ST6GALNAC2: variants seen among roughly 807,000 people sequenced by gnomAD.
ST6GALNAC2 encodes alpha-N-acetylgalactosaminide alpha-2,6-sialyltransferase 2.
In ST6GALNAC2, 42 loss-of-function variants were observed where a neutral mutation model predicts 38.7. The observed-to-expected ratio is 1.09, with a 90% CI of 0.85 to 1.40. ST6GALNAC2 has a LOEUF of 1.40. Among genes scored for constraint, ST6GALNAC2 ranks in the 40% most tolerant of loss-of-function variants. ST6GALNAC2 has a pLI of 0.00. For missense variants in ST6GALNAC2, 506 were observed against 481.7 expected (o/e 1.05, Z -0.47); for synonymous variants, 233 against 209.0 (o/e 1.11, Z -0.99).
chr17:76,574,890 G>A (rs1401252893), intron 2 of ST6GALNAC2, among the ~76,000 whole-genome samples: 3 of 151,906 alleles, frequency 2.0e-5, no homozygotes, highest in Non-Finnish European at 2.9e-5. Context: ...GTTAGCCAGG[G>A]TGGTCTTGAT....
rs1169151583 is a variant in ST6GALNAC2 at position 76,572,725 on chromosome 17, G to A, written c.581C>T (p.Thr194Ile). ...GTTCACAGTGAAACCATAGAAGGAA[G>A]TCTTGGTGCCCACATCGCGCTCGAA... The part of the protein sequence containing the change: ...KGFERDVGTK[T>I]SFYGFTVNTM... Residue 194 changes from threonine (T) to isoleucine (I), a missense_variant, in exon 5 of 9, where the codon ACT becomes ATT. By Grantham distance (89) the Thr-to-Ile change is moderately conservative. Transcript: ENST00000225276. 1 of 1,614,186 alleles carries A rather than the reference G, an allele frequency of 6.2e-7. No homozygotes were observed. The highest frequency in any genetic ancestry group is 8.5e-7 in the Non-Finnish European group (1 of 1,180,014).
chr17:76,568,326 G>T (rs2075309404), intron 7 of ST6GALNAC2: 1 of 244,966 alleles, frequency 4.1e-6, no homozygotes, highest in East Asian at 1.0e-4. Context: ...AGGGAAGGGG[G>T]TTGAGGCTGG....
intron 6 of ST6GALNAC2, 162 bp from the exon 7 acceptor site, chr17:76,568,958 G>A (rs1219482588): frequency 3.1e-6 from 2 of 642,154 alleles, no homozygotes; most frequent in Non-Finnish European, 5.5e-6. Flanking sequence ...GTGGCAGGCA[G>A]TACGTTGGGG....
intron 2 of ST6GALNAC2, among the ~76,000 whole-genome samples, chr17:76,576,572 A>G (rs2075418195): frequency 6.6e-6 from 1 of 151,980 alleles, no homozygotes; most frequent in South Asian, 2.1e-4. Context: ...GCTGATGGAG[A>G]TTTCAGGTGT....
chr17:76,584,902 T>A (rs994168506), intron 1 of ST6GALNAC2, among the ~76,000 whole-genome samples: 1 of 152,218 alleles, frequency 6.6e-6, no homozygotes, highest in Admixed American at 6.5e-5. Context: ...TCGCACGGCT[T>A]GGTCCGCCTT....
At chr17:76,572,595 T>C (rs1405814301) in intron 5 of ST6GALNAC2, 42 bp downstream of exon 5, 34 of 1,610,874 alleles carry the variant, frequency 2.1e-5, no homozygotes, top group Non-Finnish European at 2.7e-5. Flanking sequence ...GGAACAATGG[T>C]GCCATTGTCA....
chr17:76,566,834 C>CA (rs935733276), intron 8 of ST6GALNAC2, among the ~76,000 whole-genome samples: 1 of 152,006 alleles, frequency 6.6e-6, no homozygotes, highest in African/African-American at 2.4e-5. Context: ...GACCCTGTCT[C>CA]AAAAAAGAGG....
chr17:76,571,550 C>T (rs1423946377), intron 5 of ST6GALNAC2, among the ~76,000 whole-genome samples: 1 of 152,224 alleles, frequency 6.6e-6, no homozygotes, highest in Non-Finnish European at 1.5e-5. Context: ...GCTGAGATTG[C>T]ACCATTGCAC....
At chr17:76,574,877 C>T (rs2075397938) in intron 2 of ST6GALNAC2, among the ~76,000 whole-genome samples, 1 of 151,986 alleles carries the variant, frequency 6.6e-6, no homozygotes, top group African/African-American at 2.4e-5. Context: ...GGGGTTTCAC[C>T]ATGTTAGCCA....
Position 76,570,337 on chromosome 17 carries a change from T to TA in ST6GALNAC2, c.773+227dup, listed in dbSNP as rs200040775. The TA allele has an allele frequency of 1.3e-3, 707 of 529,276 alleles. 2 individuals are homozygous for TA. The highest frequency in any genetic ancestry group is 0.011 in the African/African-American group (568 of 52,264). 32.8% of individuals were successfully genotyped at this position (529,276 alleles called of 1,614,324 possible). ...CCCCAGCCCACTGCCCCCAGAGGGC[T>TA]ACTGGGAACCCGGAGGGTCACCTGG... On this transcript the variant is annotated intron_variant, in intron 6 of 8. Transcript: ENST00000225276.
intron 1 of ST6GALNAC2, among the ~76,000 whole-genome samples, chr17:76,583,042 A>G (rs1427841162): frequency 6.6e-6 from 1 of 152,230 alleles, no homozygotes; most frequent in Non-Finnish European, 1.5e-5. Flanking sequence ...AAAGTCTATT[A>G]GATACCCTGA....
chr17:76,567,783 G>C, intron 7 of ST6GALNAC2: 1 of 464,494 alleles, frequency 2.2e-6, no homozygotes, highest in Non-Finnish European at 3.9e-6. Flanking sequence ...GCAACAGCTT[G>C]TTTTCACCCC....
chr17:76,573,295 T>G lies in ST6GALNAC2; in HGVS notation c.430A>C (p.Thr144Pro), dbSNP rs371095497. The G allele has an allele frequency of 1.9e-6, 3 of 1,602,924 alleles. No homozygotes were observed. In the African/African-American group the frequency reaches 4.0e-5, roughly 21 times the overall value. Residue 144 changes from threonine (T) to proline (P), a missense_variant, in exon 4 of 9, where the codon ACC (threonine) becomes CCC (proline). Thr to Pro is a conservative substitution (Grantham distance 38, BLOSUM62 -1). Coordinates refer to ENST00000225276, the MANE Select transcript of ST6GALNAC2 (RefSeq NM_006456.3). This position sits in a 1 kb window ranked among gnomAD's most constrained non-coding sequence, Gnocchi z 5.1. The stretch of plus-strand genomic sequence containing the variant: ...GCACACCGGATACACTTTGGAGGGG[T>G]GTCCCTGGGCGGGGCAAACAGCTTG... ...SAKLFAPPRD[T>P]PPKCIRCAVV... is the part of the protein sequence containing the mutation.
At position 76,568,717 on chromosome 17, in the gene ST6GALNAC2, C is replaced by A; in HGVS notation, c.853G>T (p.Glu285Ter). Reference sequence around the variant, plus strand: ...TTCAGGCACCCCACTCCGTACCTTTCTGTCAGGTAGCTGATGAAGTCCGGA... The same window carrying A: ...TTCAGGCACCCCACTCCGTACCTTTATGTCAGGTAGCTGATGAAGTCCGGA... ...LHPDFISYLT[E>*]RFLKSKLINT... Residue 285 changes from glutamate (E) to a stop codon, truncating the protein, a stop_gained, in exon 7 of 9, where the codon GAA becomes TAA. Transcript: ENST00000225276. LOFTEE classifies it high-confidence loss of function. 1 of 1,613,748 alleles carries A rather than the reference C, an allele frequency of 6.2e-7. No homozygotes were observed. The highest frequency in any genetic ancestry group is 1.1e-5 in the South Asian group (1 of 91,076).
At position 76,568,402 on chromosome 17, in the gene ST6GALNAC2, G is replaced by A. The variant is rs535153833; in HGVS notation, c.857+311C>T. 3.2e-5 allele frequency: 13 copies of A among 406,452 alleles called. No individual in the cohort carries two copies. In the South Asian group the frequency reaches 4.2e-4, roughly 13 times the overall value. 25.2% of individuals were successfully genotyped at this position (406,452 alleles called of 1,614,324 possible). A position where few individuals can be genotyped will look rare whatever the true frequency, so the allele number is the denominator to read the frequency against. The stretch of plus-strand genomic sequence containing the variant: ...GGCCTGAAGGTTCTGATGCCCTGCT[G>A]CTGACGGCGCCACTGCTGCTGTGCA... On this transcript the variant is annotated intron_variant, in intron 7 of 8. Coordinates refer to ENST00000225276, the MANE Select transcript of ST6GALNAC2 (RefSeq NM_006456.3).
Position 76,573,354 on chromosome 17 carries a change from G to A in ST6GALNAC2, c.371C>T (p.Ser124Phe). Residue 124 changes from serine (S) to phenylalanine (F), a missense_variant, in exon 4 of 9, where the codon TCC becomes TTC. Physicochemically the swap from Ser to Phe is radical, Grantham distance 155. Transcript: ENST00000225276. This position sits in a 1 kb window ranked among gnomAD's most constrained non-coding sequence, Gnocchi z 5.1. ...WRGLSHQVIA[S>F]TLSLLNGSES... ...TGAGCCGTTCAGAAGGCTCAGGGTG[G>A]AGGCGATGACTGTGGGTGCAGATGG... is the stretch of plus-strand genomic sequence containing the variant. 1 of 1,547,974 alleles carries A rather than the reference G, an allele frequency of 6.5e-7. No individual in the cohort carries two copies. The highest frequency in any genetic ancestry group is 1.2e-5 in the South Asian group (1 of 84,080).
chr17:76,578,139 G>A (rs541061951), intron 2 of ST6GALNAC2, among the ~76,000 whole-genome samples: 147 of 152,244 alleles, frequency 9.7e-4, no homozygotes, highest in African/African-American at 3.0e-3. Context: ...GTTGTATCGC[G>A]CAATGGTTCT....
chr17:76,582,112 G>A (rs912728060), intron 1 of ST6GALNAC2, among the ~76,000 whole-genome samples: 1 of 147,896 alleles, frequency 6.8e-6, no homozygotes, highest in African/African-American at 2.5e-5. Flanking sequence ...TGATCCACCC[G>A]CCTCGGCCTC....
chr17:76,580,981 G>A (rs1052223866), intron 1 of ST6GALNAC2: 6 of 152,052 alleles, frequency 3.9e-5, no homozygotes, highest in Non-Finnish European at 7.3e-5. Context: ...CCTTTCAAAA[G>A]GTGGCCAGGC....
Sources: gnomAD v4.1 joint callset for allele counts (sites outside exome capture counted in the v4.1 genomes callset) on GRCh38, gnomAD v4.1.1 for gene constraint, Gnocchi (gnomAD v3.1) non-coding constraint, MANE v1.5 for transcripts, NCBI Gene and HGNC (gene_info 2026-07-23, HGNC 2026-07-21) for gene names.